The following GABRB1 variants were observed in gnomAD, a reference collection of about 807,000 sequenced individuals.
GABRB1 encodes gamma-aminobutyric acid type A receptor subunit beta1.
Under a neutral mutation model 51.6 loss-of-function variants are expected in GABRB1, and 17 were observed. The ratio of observed to expected loss-of-function variants is 0.33; its 90% confidence interval spans 0.23 to 0.49. The LOEUF is 0.49. GABRB1 is among the 20% of genes least tolerant of loss of function. GABRB1 has a pLI of 0.99. For missense variants in GABRB1, 410 were observed against 600.6 expected (o/e 0.68, Z 3.32); for synonymous variants, 247 against 218.9 (o/e 1.13, Z -1.14).
intron 8 of GABRB1, among the ~76,000 whole-genome samples, chr4:47,407,158 C>T (rs960630045): frequency 4.6e-5 from 7 of 152,102 alleles, no homozygotes; most frequent in African/African-American, 1.7e-4. Context: ...ATTATTTATT[C>T]TAAACTATTT....
intron 4 of GABRB1, among the ~76,000 whole-genome samples, chr4:47,227,256 A>G (rs1720977552): frequency 6.6e-6 from 1 of 152,184 alleles, no homozygotes; most frequent in African/African-American, 2.4e-5. Flanking sequence ...GCTTCCCCAA[A>G]CAAATAGATA....
intron 4 of GABRB1, among the ~76,000 whole-genome samples, chr4:47,237,753 T>G (rs185798879): frequency 6.6e-6 from 1 of 151,940 alleles, no homozygotes; most frequent in African/African-American, 2.4e-5. Flanking sequence ...CATAAATGAT[T>G]GATGAAGGAC....
intron 4 of GABRB1, among the ~76,000 whole-genome samples, chr4:47,251,911 C>A (rs543835148): frequency 1.3e-5 from 2 of 152,162 alleles, no homozygotes; most frequent in South Asian, 4.1e-4. Flanking sequence ...CCAGGCTATC[C>A]GCCTCCCAAC....
intron 3 of GABRB1, among the ~76,000 whole-genome samples, chr4:47,075,945 T>C (rs1727529343): frequency 6.6e-6 from 1 of 152,160 alleles, no homozygotes; most frequent in African/African-American, 2.4e-5. Context: ...AGTATAGCTG[T>C]AGATGAGAAT....
At chr4:47,248,226 GGGA>G (rs1721839373) in intron 4 of GABRB1, among the ~76,000 whole-genome samples, 1 of 152,062 alleles carries the variant, frequency 6.6e-6, no homozygotes, top group African/African-American at 2.4e-5. Flanking sequence ...TAATCATAAA[GGGA>G]TGCTGGATTT....
At chr4:47,306,575 C>T (rs1321950732) in intron 4 of GABRB1, among the ~76,000 whole-genome samples, 3 of 151,976 alleles carry the variant, frequency 2.0e-5, no homozygotes, top group Non-Finnish European at 4.4e-5. Flanking sequence ...CTTCCCCTAC[C>T]TCTCCCTCCC....
intron 4 of GABRB1, among the ~76,000 whole-genome samples, chr4:47,270,389 G>A (rs1037806969): frequency 3.9e-5 from 6 of 152,118 alleles, no homozygotes; most frequent in African/African-American, 1.4e-4. Flanking sequence ...TAACCTGCAG[G>A]AGCCTTTCAG....
At chr4:47,237,289 C>CA (rs1232580983) in intron 4 of GABRB1, among the ~76,000 whole-genome samples, 1 of 151,940 alleles carries the variant, frequency 6.6e-6, no homozygotes, top group Non-Finnish European at 1.5e-5. Flanking sequence ...TATGACTTAA[C>CA]ATTTATTGTT....
chr4:47,285,137 G>A (rs1001048308), intron 4 of GABRB1, among the ~76,000 whole-genome samples: 2 of 152,206 alleles, frequency 1.3e-5, no homozygotes, highest in Non-Finnish European at 2.9e-5. Flanking sequence ...TTGCAGAAAT[G>A]AATGACGTAG....
At chr4:47,423,847 G>A (rs1476698820) in intron 8 of GABRB1, among the ~76,000 whole-genome samples, 2 of 152,086 alleles carry the variant, frequency 1.3e-5, no homozygotes, top group African/African-American at 2.4e-5. Context: ...ATGTCTTAGT[G>A]TTATTATAAC....
chr4:47,127,439 A>G (rs9291304), intron 3 of GABRB1, among the ~76,000 whole-genome samples: 137,102 of 151,728 alleles, frequency 0.9, 62,025 homozygotes, highest in South Asian at 0.93. Context: ...TAATTTCTAT[A>G]ACAAACAATG....
rs1165939097 is a variant in GABRB1, at chr4:47,007,866, G to GTATATATATATATA, written c.-20+13955_-20+13968dup. 5.5e-3 allele frequency among the ~76,000 whole-genome samples: 275 copies of GTATATATATATATA among 49,808 alleles called. 11 individuals are homozygous for GTATATATATATATA. Among genetic ancestry groups the GTATATATATATATA allele is most frequent in the South Asian group, 0.014 (13 of 954 alleles). 32.7% of individuals were successfully genotyped at this position (49,808 alleles called of 152,430 possible). On this transcript the variant is annotated intron_variant, in intron 1 of 3. Transcript: ENST00000513567. The stretch of plus-strand genomic sequence containing the variant: ...TTAAAGGACGTATACCTTGGAACTG[G>GTATATATATATATA]TATATATATATATATATATATATAT...
At chr4:47,327,138 A>C (rs4261968) in intron 5 of GABRB1, among the ~76,000 whole-genome samples, 2 of 152,166 alleles carry the variant, frequency 1.3e-5, no homozygotes, top group South Asian at 4.1e-4. Flanking sequence ...CATTTCATTT[A>C]TACATTCATT....
intron 3 of GABRB1, among the ~76,000 whole-genome samples, chr4:47,116,835 A>G (rs1287350993): frequency 6.6e-6 from 1 of 152,108 alleles, no homozygotes; most frequent in African/African-American, 2.4e-5. Flanking sequence ...ATGATTGGGG[A>G]GGCTTCAGGG....
intron 1 of GABRB1, among the ~76,000 whole-genome samples, chr4:47,009,408 A>G (rs1724518187): frequency 6.6e-6 from 1 of 152,162 alleles, no homozygotes; most frequent in Non-Finnish European, 1.5e-5. Flanking sequence ...TACCTATATA[A>G]TTTTAAAGAA....
At chr4:47,377,622 T>G (rs897483041) in intron 5 of GABRB1, among the ~76,000 whole-genome samples, 1 of 152,150 alleles carries the variant, frequency 6.6e-6, no homozygotes, top group African/African-American at 2.4e-5. Context: ...CCTGCTTTTA[T>G]TCTCTTATCT....
intron 5 of GABRB1, among the ~76,000 whole-genome samples, chr4:47,366,559 A>G (rs887915153): frequency 6.6e-6 from 1 of 152,196 alleles, no homozygotes; most frequent in Admixed American, 6.5e-5. Context: ...TCTGGCTCCA[A>G]ACTGAGTCTC....
intron 5 of GABRB1, among the ~76,000 whole-genome samples, chr4:47,378,771 C>A (rs1727487440): frequency 1.1e-4 from 16 of 152,014 alleles, no homozygotes; most frequent in Admixed American, 1.0e-3. Context: ...CAGGCGTGAG[C>A]CACTGCTCCC....
chr4:47,298,767 A>G (rs1161103732), intron 4 of GABRB1, among the ~76,000 whole-genome samples: 3 of 152,146 alleles, frequency 2.0e-5, no homozygotes, highest in African/African-American at 4.8e-5. Flanking sequence ...ACAAAAAAGA[A>G]CCTGCATTGC....
Sources: allele counts gnomAD v4.1 joint callset (sites outside exome capture counted in the v4.1 genomes callset), GRCh38; gene constraint gnomAD v4.1.1; transcripts MANE v1.5; gene names NCBI Gene and HGNC (gene_info 2026-07-23, HGNC 2026-07-21).